Variants in CNTN3 observed in about 807,000 individuals in gnomAD.
CNTN3 encodes the protein contactin 3.
In CNTN3, 60 loss-of-function variants were observed where a neutral mutation model predicts 119.1. The ratio of observed to expected loss-of-function variants is 0.50; its 90% confidence interval spans 0.41 to 0.62. CNTN3 has a LOEUF of 0.62. Among genes scored for constraint, CNTN3 ranks in the 20% least tolerant of loss-of-function variants. The probability of loss-of-function intolerance (pLI) is 0.00; values close to 1 mark genes in which losing one functional copy is unlikely to be tolerated. For missense variants in CNTN3, 1,101 were observed against 1,242.4 expected, an observed-to-expected ratio of 0.89 and a Z score of 1.71; for synonymous variants, 450 against 438.7, an observed-to-expected ratio of 1.03 and a Z score of -0.32.
chr3:74,369,436 A>T (rs1256245871), intron 7 of CNTN3, 63 bp from the exon 8 acceptor site: 1 of 1,344,636 alleles, frequency 7.4e-7, no homozygotes, highest in Non-Finnish European at 1.0e-6. Context: ...TGAGAAAATA[A>T]AGCTTTTAAG....
chr3:74,499,249 A>T (rs1029551917), intron 3 of CNTN3, among the ~76,000 whole-genome samples: 1 of 151,782 alleles, frequency 6.6e-6, no homozygotes, highest in Non-Finnish European at 1.5e-5. Flanking sequence ...TACTTATTGA[A>T]CCTCCAAGCA....
intron 1 of CNTN3, among the ~76,000 whole-genome samples, chr3:74,534,400 T>G (rs535293797): frequency 3.8e-4 from 58 of 152,080 alleles, no homozygotes; most frequent in Non-Finnish European, 7.4e-5. Context: ...TTTGCTTACA[T>G]CAAAATGTAA....
intron 4 of CNTN3, among the ~76,000 whole-genome samples, chr3:74,482,232 A>T (rs983967576): frequency 2.0e-5 from 3 of 152,010 alleles, no homozygotes; most frequent in African/African-American, 7.2e-5. Flanking sequence ...AAATATTAGC[A>T]AACAGCTAAC....
chr3:74,505,354 C>T (rs1177331953), intron 2 of CNTN3, among the ~76,000 whole-genome samples: 1 of 151,986 alleles, frequency 6.6e-6, no homozygotes, highest in Non-Finnish European at 1.5e-5. Flanking sequence ...GCTGACCTTG[C>T]TTTGCTTCCT....
At chr3:74,570,015 C>T (rs1336483444) in intron 1 of CNTN3, among the ~76,000 whole-genome samples, 1 of 152,112 alleles carries the variant, frequency 6.6e-6, no homozygotes, top group Non-Finnish European at 1.5e-5. Flanking sequence ...CCAGAGGAAG[C>T]TCTTATGCAT....
chr3:74,353,169 C>T (rs764429709), intron 11 of CNTN3, among the ~76,000 whole-genome samples: 8 of 152,224 alleles, frequency 5.3e-5, no homozygotes, highest in African/African-American at 1.9e-4. Context: ...GGAAGTGCCA[C>T]CTAAAACAGA....
At chr3:74,371,153 G>T in intron 6 of CNTN3, 43 bp downstream of exon 6, 1 of 1,423,206 alleles carries the variant, frequency 7.0e-7, no homozygotes, top group Non-Finnish European at 9.9e-7. Context: ...TGCAGCCTCA[G>T]CACCATTTAC....
intron 8 of CNTN3, among the ~76,000 whole-genome samples, chr3:74,368,107 G>A (rs943315626): frequency 6.6e-6 from 1 of 152,046 alleles, no homozygotes; most frequent in African/African-American, 2.4e-5. Flanking sequence ...TTACAAAACA[G>A]AATGACTCAT....
rs116441074 is a variant in CNTN3, at chr3:74,376,797, G to A, written c.455-5398C>T. ...AAAGCCACTAAGTTTGTAGTAATTTGTTATATTGGCAATAGGAAATTCACA... is the reference window on the plus strand; with the variant it reads ...AAAGCCACTAAGTTTGTAGTAATTTATTATATTGGCAATAGGAAATTCACA... On this transcript the variant is annotated intron_variant, in intron 5 of 22. Transcript: ENST00000263665. 3.3e-3 allele frequency among the ~76,000 whole-genome samples: 505 copies of A among 152,040 alleles called. 1 individual carries two copies. The highest frequency in any genetic ancestry group is 0.011 in the African/African-American group (473 of 41,476).
At chr3:74,457,099 T>G (rs1240438236) in intron 4 of CNTN3, among the ~76,000 whole-genome samples, 2 of 152,060 alleles carry the variant, frequency 1.3e-5, no homozygotes, top group African/African-American at 4.8e-5. Context: ...AAATTCAGAT[T>G]CCCATTAATG....
chr3:74,474,843 T>G (rs1702625991), intron 4 of CNTN3, among the ~76,000 whole-genome samples: 1 of 152,008 alleles, frequency 6.6e-6, no homozygotes. Context: ...AGACAGTGAG[T>G]GAGTTTTGCT....
intron 17 of CNTN3, among the ~76,000 whole-genome samples, chr3:74,298,502 A>T (rs191938159): frequency 1.3e-5 from 2 of 152,220 alleles, no homozygotes; most frequent in East Asian, 3.9e-4. Flanking sequence ...AGTTGAAAAT[A>T]TCTGATCTCT....
intron 1 of CNTN3, among the ~76,000 whole-genome samples, chr3:74,568,836 G>A (rs376549912): frequency 6.6e-6 from 1 of 152,280 alleles, no homozygotes; most frequent in African/African-American, 2.4e-5. Context: ...GGGCTCTCTC[G>A]AAGGCCTCAG....
intron 3 of CNTN3, among the ~76,000 whole-genome samples, chr3:74,492,608 T>A (rs7653799): frequency 1 from 151,797 of 152,312 alleles, 75,643 homozygotes; most frequent in Middle Eastern, 1. Flanking sequence ...GACATAGGAG[T>A]TATTTCAAAA....
At chr3:74,494,490 A>G (rs1374612450) in intron 3 of CNTN3, among the ~76,000 whole-genome samples, 1 of 152,072 alleles carries the variant, frequency 6.6e-6, no homozygotes, top group Non-Finnish European at 1.5e-5. Flanking sequence ...CTTCCAGTTG[A>G]CATTTTGCAG....
At chr3:74,318,272 A>G (rs1311776281) in intron 13 of CNTN3, among the ~76,000 whole-genome samples, 2 of 151,474 alleles carry the variant, frequency 1.3e-5, no homozygotes, top group Non-Finnish European at 2.9e-5. Flanking sequence ...CTTCTTTGCC[A>G]TTGGTTTGAA....
At chr3:74,287,936 T>C (rs1001535156) in intron 19 of CNTN3, among the ~76,000 whole-genome samples, 2 of 152,196 alleles carry the variant, frequency 1.3e-5, no homozygotes, top group Non-Finnish European at 2.9e-5. Context: ...AAAGTCTGCA[T>C]TATACTCACT....
chr3:74,328,930 A>G (rs1165120995), intron 13 of CNTN3, among the ~76,000 whole-genome samples: 2 of 152,190 alleles, frequency 1.3e-5, no homozygotes, highest in African/African-American at 4.8e-5. Flanking sequence ...TGATGCTTTG[A>G]ATTTGGACAA....
intron 10 of CNTN3, among the ~76,000 whole-genome samples, chr3:74,362,290 CAT>C (rs1704090361): frequency 6.6e-6 from 1 of 152,134 alleles, no homozygotes; most frequent in Non-Finnish European, 1.5e-5. Context: ...GTAGCTCAAT[CAT>C]GTGTTTATTA....
Sources: allele counts gnomAD v4.1 joint callset (sites outside exome capture counted in the v4.1 genomes callset), GRCh38; gene constraint gnomAD v4.1.1; transcripts MANE v1.5; gene names NCBI Gene and HGNC (gene_info 2026-07-23, HGNC 2026-07-21).